The following UNC80 variants were observed in gnomAD, a reference collection of about 807,000 sequenced individuals.
The protein encoded by UNC80 is unc-80 subunit of NALCN channel complex.
In UNC80, 164 loss-of-function variants were observed where a neutral mutation model predicts 384.6. That is an observed-to-expected ratio of 0.43 (90% CI 0.38 to 0.49). UNC80 has a LOEUF of 0.49. Ranked by LOEUF, UNC80 falls within the 20% of genes least tolerant of loss-of-function variation. The probability of loss-of-function intolerance (pLI) is 0.00; values close to 1 mark genes in which losing one functional copy is unlikely to be tolerated. For missense variants in UNC80, 3,330 were observed against 4,143.0 expected (o/e 0.80, Z 5.39); for synonymous variants, 1,486 against 1,527.8 (o/e 0.97, Z 0.64).
At chr2:209,954,351 G>A in intron 48 of UNC80, 81 bp downstream of exon 48, 5 of 1,331,564 alleles carry the variant, frequency 3.8e-6, no homozygotes, top group Middle Eastern at 2.6e-4. Flanking sequence ...AAAATGTGAT[G>A]GATAAAAATC....
chr2:209,852,872 A>G (rs1411504353), intron 22 of UNC80, among the ~76,000 whole-genome samples: 1 of 152,078 alleles, frequency 6.6e-6, no homozygotes, highest in Non-Finnish European at 1.5e-5. Context: ...GTTTTTAAGT[A>G]TGTTTTACGT....
chr2:209,886,470 G>T (rs769499791), intron 25 of UNC80, among the ~76,000 whole-genome samples: 34 of 151,898 alleles, frequency 2.2e-4, no homozygotes, highest in Admixed American at 5.2e-4. Flanking sequence ...ATGATCTCTA[G>T]GATAAACAAA....
chr2:209,936,749 C>A, intron 40 of UNC80, 95 bp from the exon 41 acceptor site: 2 of 766,072 alleles, frequency 2.6e-6, no homozygotes, highest in Admixed American at 2.3e-5. Flanking sequence ...TAAGAGGTTA[C>A]CTTGTTTTTT....
At chr2:209,774,204 G>T (rs571751271) in intron 2 of UNC80, among the ~76,000 whole-genome samples, 2 of 152,176 alleles carry the variant, frequency 1.3e-5, no homozygotes, top group Non-Finnish European at 2.9e-5. Flanking sequence ...GCCCACTCAC[G>T]TAGGAATTTG....
intron 43 of UNC80, 126 bp from the exon 44 acceptor site, chr2:209,941,095 C>A: frequency 3.3e-6 from 4 of 1,220,416 alleles, no homozygotes; most frequent in Non-Finnish European, 4.4e-6. Context: ...AACATTTCAG[C>A]AGTAGATCTT....
At chr2:209,944,799 A>G (rs895422531) in intron 45 of UNC80, among the ~76,000 whole-genome samples, 8 of 152,186 alleles carry the variant, frequency 5.3e-5, no homozygotes, top group African/African-American at 1.9e-4. Flanking sequence ...AAGTTCATAT[A>G]TCGCTGTATT....
At chr2:209,910,679 G>T (rs1207437844) in intron 29 of UNC80, among the ~76,000 whole-genome samples, 9 of 119,568 alleles carry the variant, frequency 7.5e-5, no homozygotes, top group Non-Finnish European at 1.4e-4. Flanking sequence ...TTGGTGTGCT[G>T]AGTATTTTCC....
At chr2:209,817,187 G>A (rs2079803268) in intron 10 of UNC80, 62 bp downstream of exon 10, 8 of 1,444,228 alleles carry the variant, frequency 5.5e-6, no homozygotes, top group African/African-American at 1.4e-5. Context: ...ACTGGATCTA[G>A]GGCTTCTGGG....
chr2:209,940,102 C>T (rs1441375003), intron 43 of UNC80, among the ~76,000 whole-genome samples: 1 of 152,172 alleles, frequency 6.6e-6, no homozygotes, highest in Admixed American at 6.5e-5. Context: ...CTAAGCTAGT[C>T]ATCAGCAGTT....
intron 60 of UNC80, among the ~76,000 whole-genome samples, chr2:209,984,416 CTAA>C (rs769628875): frequency 7.4e-4 from 113 of 152,248 alleles, no homozygotes; most frequent in Non-Finnish European, 5.9e-4. Flanking sequence ...TTTCTGTGTG[CTAA>C]TGTTAGAATG....
intron 21 of UNC80, among the ~76,000 whole-genome samples, chr2:209,845,493 A>G (rs2082105880): frequency 6.6e-6 from 1 of 152,178 alleles, no homozygotes; most frequent in African/African-American, 2.4e-5. Context: ...CACGATTCCT[A>G]CGGATTTTAG....
At chr2:209,862,135 G>A (rs1171295216) in intron 22 of UNC80, among the ~76,000 whole-genome samples, 2 of 151,950 alleles carry the variant, frequency 1.3e-5, no homozygotes, top group Non-Finnish European at 2.9e-5. Flanking sequence ...TTAGGGTGTC[G>A]ATTTGAGATC....
At chr2:209,807,890 G>A (rs916277079) in intron 7 of UNC80, among the ~76,000 whole-genome samples, 1 of 152,180 alleles carries the variant, frequency 6.6e-6, no homozygotes, top group Admixed American at 6.5e-5. Context: ...ACACCTTAAA[G>A]GGAGGTACTT....
Position 209,773,106 on chromosome 2 carries a change from G to A in UNC80, c.105G>A (p.Arg35=), listed in dbSNP as rs574570420. The A allele has an allele frequency of 3.1e-6, 5 of 1,613,022 alleles. No individual in the cohort carries two copies. The East Asian group carries it at 1.1e-4, about 36-fold the overall frequency. Residue 35 remains arginine (R), a synonymous_variant, in exon 2 of 65, where the codon AGG becomes AGA. Transcript: ENST00000673920. ...ATTAATTTTTCAGTGCATTTTTGAG[G>A]CCCAAACTGGGGAAGCAATATGAAG... The part of the protein sequence containing the change: ...FLWRQTSAFL[R]PKLGKQYEAS...
chr2:209,879,993 T>A (rs1015087539), intron 24 of UNC80, among the ~76,000 whole-genome samples: 15 of 152,222 alleles, frequency 9.9e-5, no homozygotes, highest in African/African-American at 3.6e-4. Flanking sequence ...TTTAGAGATA[T>A]TTTTAGGACT....
chr2:209,934,240 G>A (rs553217289), intron 39 of UNC80, among the ~76,000 whole-genome samples: 2 of 152,148 alleles, frequency 1.3e-5, no homozygotes, highest in Non-Finnish European at 2.9e-5. Flanking sequence ...GCATGAATCA[G>A]TCCTTGAAGG....
Position 209,862,649 on chromosome 2 carries a change from C to CTTTTTTTTTTTT in UNC80, c.3628-10101_3628-10090dup, listed in dbSNP as rs71043955. 9.8e-4 allele frequency among the ~76,000 whole-genome samples: 77 copies of CTTTTTTTTTTTT among 78,786 alleles called. 2 individuals are homozygous for CTTTTTTTTTTTT. The highest frequency in any genetic ancestry group is 2.4e-3 in the African/African-American group (39 of 16,360). 51.7% of individuals were successfully genotyped at this position (78,786 alleles called of 152,430 possible). ...TCAGAGACTAGGATTGCAACCTCTG[C>CTTTTTTTTTTTT]TTTTTTTTTTTTTTTTTTTGCTTTC... is the stretch of plus-strand genomic sequence containing the variant. On this transcript the variant is annotated intron_variant, in intron 22 of 64. Transcript: ENST00000673920.
intron 11 of UNC80, 93 bp from the exon 12 acceptor site, chr2:209,818,900 T>C: frequency 7.3e-7 from 1 of 1,377,132 alleles, no homozygotes; most frequent in South Asian, 1.5e-5. Flanking sequence ...CTACAGCTGT[T>C]ATTGTGGTCA....
rs1432818478 is a variant in UNC80 at position 209,771,959 on chromosome 2, C to G, written c.-114C>G. On this transcript the variant is annotated 5_prime_UTR_variant, in exon 1 of 65. Transcript: ENST00000673920. ...GGGGGATCAGGGCGGAGAGAGCCGG[C>G]TCTGCCTCGGGGAAGGAGGGGATGA... The G allele has an allele frequency of 1.3e-6, 1 of 752,970 alleles. No individual in the cohort carries two copies. The highest frequency in any genetic ancestry group is 2.3e-6 in the Non-Finnish European group (1 of 431,776). 46.6% of individuals were successfully genotyped at this position (752,970 alleles called of 1,614,324 possible).
Sources: gnomAD v4.1 joint callset for allele counts (sites outside exome capture counted in the v4.1 genomes callset) on GRCh38, gnomAD v4.1.1 for gene constraint, MANE v1.5 for transcripts, NCBI Gene and HGNC (gene_info 2026-07-23, HGNC 2026-07-21) for gene names.